ASTN2: variants seen among roughly 807,000 people sequenced by gnomAD.
ASTN2 encodes the protein astrotactin 2.
ASTN2 carries 54 observed loss-of-function variants against 139.8 expected under a neutral mutation model. The ratio of observed to expected loss-of-function variants is 0.39; its 90% CI spans 0.31 to 0.48. The LOEUF (loss-of-function observed/expected upper bound fraction) is 0.48. Ranked by LOEUF, ASTN2 falls within the 20% of genes least tolerant of loss-of-function variation. The pLI, the probability that ASTN2 is intolerant of heterozygous loss-of-function variation, is 0.95. For missense variants in ASTN2, 1,565 were observed against 1,725.1 expected (o/e 0.91, Z 1.64); for synonymous variants, 756 against 719.5 (o/e 1.05, Z -0.81).
intron 17 of ASTN2, among the ~76,000 whole-genome samples, chr9:116,631,163 TAAAAATA>T (rs1856726519): frequency 6.6e-6 from 1 of 152,112 alleles, no homozygotes. Flanking sequence ...CTCTAAAAAT[TAAAAATA>T]AAACTACCAT....
At chr9:117,014,140 A>T (rs1048126027) in intron 6 of ASTN2, among the ~76,000 whole-genome samples, 1 of 152,076 alleles carries the variant, frequency 6.6e-6, no homozygotes. Flanking sequence ...CTTCCTGGAA[A>T]CAAGATGAAA....
rs1438647377 is a variant in ASTN2 at position 116,896,872 on chromosome 9, A to C, written c.1890-33139T>G. 1.2e-4 allele frequency among the ~76,000 whole-genome samples: 19 copies of C among 152,170 alleles called. 1 individual carries two copies. Among genetic ancestry groups the C allele is most frequent in the Admixed American group, 1.1e-3 (17 of 15,284 alleles). On this transcript the variant is annotated intron_variant, in intron 10 of 22. Transcript: ENST00000313400. ...TCCAATCACCTTCCTCCCTTGACAC[A>C]TGTGGATTACAATTCGAGATGAGAT...
At chr9:117,297,492 G>T (rs946164626) in intron 1 of ASTN2, among the ~76,000 whole-genome samples, 2 of 152,168 alleles carry the variant, frequency 1.3e-5, no homozygotes, top group Non-Finnish European at 2.9e-5. Context: ...ATTGCAAATG[G>T]TTCTGTGCCA....
chr9:117,409,495 A>AG (rs1831101607), intron 1 of ASTN2, among the ~76,000 whole-genome samples: 2 of 152,190 alleles, frequency 1.3e-5, no homozygotes, highest in African/African-American at 2.4e-5. Flanking sequence ...TATTACCGTT[A>AG]GGGGTCAGCA....
chr9:116,425,474 G>C lies in ASTN2; in HGVS notation c.*377C>G. Reference sequence around the variant, plus strand: ...TGTCCCTCCATAGGTCTCCTCCAGGGGTCCATGGCAGGAAGAAAGCAGAGT... The same window carrying C: ...TGTCCCTCCATAGGTCTCCTCCAGGCGTCCATGGCAGGAAGAAAGCAGAGT... On this transcript the variant is annotated 3_prime_UTR_variant, in exon 23 of 23. Transcript: ENST00000313400. The C allele has an allele frequency of 1.6e-6, 2 of 1,275,254 alleles. No individual in the cohort carries two copies. The highest frequency in any genetic ancestry group is 2.2e-6 in the Non-Finnish European group (2 of 889,098). 79.0% of individuals were successfully genotyped at this position (1,275,254 alleles called of 1,614,324 possible). A position where few individuals can be genotyped will look rare whatever the true frequency, so the allele number is the denominator to read the frequency against.
chr9:116,820,195 A>G (rs1831447700), intron 12 of ASTN2, among the ~76,000 whole-genome samples: 1 of 152,086 alleles, frequency 6.6e-6, no homozygotes, highest in African/African-American at 2.4e-5. Context: ...TCCTGCTGAA[A>G]CCAAGCTTGA....
At chr9:116,485,435 T>C (rs902649692) in intron 20 of ASTN2, among the ~76,000 whole-genome samples, 3 of 152,216 alleles carry the variant, frequency 2.0e-5, no homozygotes, top group African/African-American at 7.2e-5. Context: ...CTTCACAGAA[T>C]TATAGTTTTC....
At chr9:117,363,460 TG>T (rs1332960820) in intron 1 of ASTN2, among the ~76,000 whole-genome samples, 2 of 152,146 alleles carry the variant, frequency 1.3e-5, no homozygotes, top group Non-Finnish European at 2.9e-5. Context: ...ATCTTTATGG[TG>T]GAAGGGAGGT....
chr9:116,709,654 C>CAT (rs753365220), intron 16 of ASTN2, among the ~76,000 whole-genome samples: 9 of 152,080 alleles, frequency 5.9e-5, no homozygotes, highest in Non-Finnish European at 8.8e-5. Flanking sequence ...TCTCTTGCCT[C>CAT]ATATATATAT....
intron 3 of ASTN2, among the ~76,000 whole-genome samples, chr9:117,205,894 C>T (rs943646108): frequency 2.0e-5 from 3 of 152,152 alleles, no homozygotes; most frequent in Non-Finnish European, 4.4e-5. Context: ...TAAACAAGCT[C>T]AACGATAGAC....
intron 10 of ASTN2, among the ~76,000 whole-genome samples, chr9:116,899,156 G>T (rs1488017655): frequency 6.6e-6 from 1 of 152,160 alleles, no homozygotes; most frequent in Admixed American, 6.5e-5. Context: ...ACCTGGCTTT[G>T]TGGGTATCAG....
Position 116,788,021 on chromosome 9 carries a change from T to C in ASTN2, c.2396+17611A>G, listed in dbSNP as rs536331685. Reference sequence around the variant, plus strand: ...AAAAAAATATATTTTTAAAATCCTATCTGAACCTGGAGGACATCATGCTAA... The same window carrying C: ...AAAAAAATATATTTTTAAAATCCTACCTGAACCTGGAGGACATCATGCTAA... On this transcript the variant is annotated intron_variant, in intron 13 of 22. Coordinates refer to ENST00000313400, the MANE Select transcript of ASTN2 (RefSeq NM_001365068.1). Among the ~76,000 whole-genome samples the C allele has an allele frequency of 8.5e-5, 13 of 152,230 alleles. No individual in the cohort carries two copies. In the South Asian group the frequency reaches 2.7e-3, roughly 32 times the overall value.
intron 3 of ASTN2, among the ~76,000 whole-genome samples, chr9:117,159,706 T>C (rs927362214): frequency 3.0e-4 from 46 of 152,220 alleles, no homozygotes; most frequent in African/African-American, 1.1e-3. Context: ...TATTACCATT[T>C]GACAGATAAA....
intron 5 of ASTN2, among the ~76,000 whole-genome samples, chr9:117,073,653 G>C (rs1587933907): frequency 6.6e-6 from 1 of 152,178 alleles, no homozygotes; most frequent in African/African-American, 2.4e-5. Flanking sequence ...ATGCATGACT[G>C]ATGAATGAAT....
intron 19 of ASTN2, among the ~76,000 whole-genome samples, chr9:116,597,960 T>C (rs1401242712): frequency 1.3e-5 from 2 of 152,154 alleles, no homozygotes; most frequent in Admixed American, 1.3e-4. Flanking sequence ...AATTATAGAT[T>C]AAAGGGCAAT....
At chr9:117,142,076 C>T (rs981543088) in intron 3 of ASTN2, among the ~76,000 whole-genome samples, 2 of 152,106 alleles carry the variant, frequency 1.3e-5, no homozygotes, top group African/African-American at 4.8e-5. Context: ...AGCACGGATG[C>T]TTGAGCATTG....
intron 20 of ASTN2, among the ~76,000 whole-genome samples, chr9:116,485,780 A>G (rs17220352): frequency 0.21 from 32,448 of 152,194 alleles, 3,593 homozygotes; most frequent in Middle Eastern, 0.25. Context: ...AACATCTAAG[A>G]GATAGTCAGT....
chr9:117,214,797 C>A, intron 2 of ASTN2, 55 bp from the exon 3 acceptor site: 2 of 1,425,120 alleles, frequency 1.4e-6, no homozygotes, highest in Non-Finnish European at 1.8e-6. Context: ...GAATCGAGGG[C>A]TGCAGGGGAT....
chr9:116,488,582 G>T (rs1283374352), intron 19 of ASTN2, among the ~76,000 whole-genome samples: 1 of 152,128 alleles, frequency 6.6e-6, no homozygotes, highest in Non-Finnish European at 1.5e-5. Flanking sequence ...GATGCAATAG[G>T]CTATTTTATA....
Sources: gnomAD v4.1 joint callset for allele counts (sites outside exome capture counted in the v4.1 genomes callset) on GRCh38, gnomAD v4.1.1 for gene constraint, MANE v1.5 for transcripts, NCBI Gene and HGNC (gene_info 2026-07-23, HGNC 2026-07-21) for gene names.